NRG3: variants seen among roughly 807,000 people sequenced by gnomAD.
NRG3 encodes the protein neuregulin 3.
NRG3 carries 31 observed loss-of-function variants against 66.9 expected under a neutral mutation model. The ratio of observed to expected loss-of-function variants is 0.46; its 90% CI spans 0.35 to 0.63. NRG3 has a LOEUF of 0.63. Ranked by LOEUF, NRG3 falls within the 20% of genes least tolerant of loss-of-function variation. NRG3 has a pLI of 0.00. For missense variants in NRG3, 910 were observed against 878.9 expected, an observed-to-expected ratio of 1.04 and a Z score of -0.45; for synonymous variants, 393 against 359.4, an observed-to-expected ratio of 1.09 and a Z score of -1.06.
At chr10:82,971,282 A>G (rs1851702854) in intron 6 of NRG3, among the ~76,000 whole-genome samples, 1 of 152,122 alleles carries the variant, frequency 6.6e-6, no homozygotes, top group African/African-American at 2.4e-5. Flanking sequence ...TCCAAACTAT[A>G]TCACTTCTCT....
chr10:81,974,798 C>T (rs2060057429), intron 1 of NRG3, among the ~76,000 whole-genome samples: 1 of 152,042 alleles, frequency 6.6e-6, no homozygotes, highest in Non-Finnish European at 1.5e-5. Context: ...AGAACTAACT[C>T]TAAGTTCCTG....
At position 81,879,392 on chromosome 10, in the gene NRG3, C is replaced by T. The variant is rs116149308; in HGVS notation, c.823+3229C>T. ...CAATCAGCCTTTCCCTTTTACAGCG[C>T]CTTCAATTTCGTTTTCAGATTTGAA... On this transcript the variant is annotated intron_variant, in intron 1 of 8. Transcript: ENST00000372141. Among the ~76,000 whole-genome samples the T allele has an allele frequency of 5.8e-3, 878 of 152,280 alleles. 9 individuals are homozygous for T. The highest frequency in any genetic ancestry group is 0.02 in the African/African-American group (844 of 41,556).
intron 2 of NRG3, among the ~76,000 whole-genome samples, chr10:82,718,284 C>G (rs2057095581): frequency 6.6e-6 from 1 of 152,084 alleles, no homozygotes; most frequent in South Asian, 2.1e-4. Flanking sequence ...TCTTTCTTCA[C>G]CTGTGCAATC....
intron 2 of NRG3, among the ~76,000 whole-genome samples, chr10:82,734,551 T>TTCCC (rs991611733): frequency 6.6e-6 from 1 of 152,116 alleles, no homozygotes; most frequent in African/African-American, 2.4e-5. Context: ...CCCCTCCCCA[T>TTCCC]TCCCTCCCTC....
intron 2 of NRG3, among the ~76,000 whole-genome samples, chr10:82,680,055 G>A (rs2054000979): frequency 6.6e-6 from 1 of 152,130 alleles, no homozygotes; most frequent in African/African-American, 2.4e-5. Flanking sequence ...TATCCATGTA[G>A]CTAGTTACAC....
chr10:81,934,996 A>G (rs531022476), intron 1 of NRG3, among the ~76,000 whole-genome samples: 1 of 152,336 alleles, frequency 6.6e-6, no homozygotes, highest in African/African-American at 2.4e-5. Context: ...CAATGAATAG[A>G]ACTACTTTGT....
intron 2 of NRG3, among the ~76,000 whole-genome samples, chr10:82,545,572 G>A (rs1164781812): frequency 6.6e-6 from 1 of 151,476 alleles, no homozygotes; most frequent in African/African-American, 2.4e-5. Flanking sequence ...TAGTAGAGAT[G>A]GGGTTTCACC....
At chr10:82,922,518 A>G (rs934867348) in intron 4 of NRG3, among the ~76,000 whole-genome samples, 2 of 152,116 alleles carry the variant, frequency 1.3e-5, no homozygotes, top group African/African-American at 4.8e-5. Context: ...CAGGTCCTGT[A>G]TATCATGGTC....
chr10:82,868,802 C>T (rs968497759), intron 4 of NRG3, among the ~76,000 whole-genome samples: 2 of 152,138 alleles, frequency 1.3e-5, no homozygotes, highest in African/African-American at 4.8e-5. Flanking sequence ...AAGAGATTCT[C>T]CTGCCTCAGC....
At chr10:81,957,044 A>G (rs1849903621) in intron 1 of NRG3, among the ~76,000 whole-genome samples, 2 of 152,174 alleles carry the variant, frequency 1.3e-5, no homozygotes. Flanking sequence ...AACCCATAAG[A>G]TTAATTCTCA....
chr10:81,897,278 C>T (rs1412530402), intron 1 of NRG3, among the ~76,000 whole-genome samples: 2 of 152,024 alleles, frequency 1.3e-5, no homozygotes, highest in Non-Finnish European at 2.9e-5. Flanking sequence ...TAATGGAAAA[C>T]CACAGGGACC....
chr10:81,960,364 A>G (rs1024627914), intron 1 of NRG3, among the ~76,000 whole-genome samples: 2 of 152,126 alleles, frequency 1.3e-5, no homozygotes, highest in African/African-American at 4.8e-5. Flanking sequence ...GGATGTAGTA[A>G]CTTAAAGGCA....
chr10:81,935,278 T>G (rs955401272), intron 1 of NRG3, among the ~76,000 whole-genome samples: 3 of 152,212 alleles, frequency 2.0e-5, no homozygotes, highest in Admixed American at 2.0e-4. Flanking sequence ...TCATGTGTCC[T>G]TAGGTATTAA....
At chr10:82,616,988 T>C (rs116136223) in intron 2 of NRG3, among the ~76,000 whole-genome samples, 187 of 152,326 alleles carry the variant, frequency 1.2e-3, no homozygotes, top group African/African-American at 4.3e-3. Context: ...GTTTGTTAAA[T>C]TGAATGTAAA....
At chr10:82,326,397 C>A (rs941734538) in intron 1 of NRG3, among the ~76,000 whole-genome samples, 5 of 151,778 alleles carry the variant, frequency 3.3e-5, no homozygotes, top group Non-Finnish European at 7.4e-5. Context: ...TTTCTTCATC[C>A]TTCTTATGCT....
intron 3 of NRG3, among the ~76,000 whole-genome samples, chr10:82,783,440 T>C (rs1400527959): frequency 1.3e-5 from 2 of 151,666 alleles, no homozygotes; most frequent in Non-Finnish European, 2.9e-5. Context: ...GATGACATGA[T>C]TGTATATCTA....
chr10:82,840,382 AT>A, intron 3 of NRG3, among the ~76,000 whole-genome samples: 1 of 151,884 alleles, frequency 6.6e-6, no homozygotes, highest in Non-Finnish European at 1.5e-5. Context: ...CATAGCACTT[AT>A]CACATTATAG....
intron 2 of NRG3, among the ~76,000 whole-genome samples, chr10:82,691,678 T>C (rs2054939977): frequency 6.6e-6 from 1 of 152,200 alleles, no homozygotes; most frequent in African/African-American, 2.4e-5. Context: ...CATAAGAAAC[T>C]GGAACTTATG....
intron 1 of NRG3, among the ~76,000 whole-genome samples, chr10:82,334,631 G>A (rs1262409268): frequency 6.6e-6 from 1 of 152,194 alleles, no homozygotes; most frequent in Non-Finnish European, 1.5e-5. Flanking sequence ...TACGCTGAGT[G>A]ACCTTGGGGA....
Sources: gnomAD v4.1 joint callset for allele counts (sites outside exome capture counted in the v4.1 genomes callset) on GRCh38, gnomAD v4.1.1 for gene constraint, MANE v1.5 for transcripts, NCBI Gene and HGNC (gene_info 2026-07-23, HGNC 2026-07-21) for gene names.